PSME3IP1: variants seen among roughly 807,000 people sequenced by gnomAD.
The protein encoded by PSME3IP1 is proteasome activator subunit 3 interacting protein 1.
A neutral mutation model predicts 34.1 loss-of-function variants in PSME3IP1; 13 were observed. The ratio of observed to expected loss-of-function variants is 0.38; its 90% confidence interval spans 0.25 to 0.61. The LOEUF (loss-of-function observed/expected upper bound fraction) is 0.61, where lower values mean the gene tolerates loss of function less well. Ranked by LOEUF, PSME3IP1 falls within the 20% of genes least tolerant of loss-of-function variation. PSME3IP1 has a pLI of 0.60. For missense variants in PSME3IP1, 237 were observed against 301.4 expected (o/e 0.79, Z 1.58); for synonymous variants, 93 against 114.3 (o/e 0.81, Z 1.19).
At chr16:57,179,655 C>A (rs1001035786) in intron 1 of PSME3IP1, among the ~76,000 whole-genome samples, 1 of 152,230 alleles carries the variant, frequency 6.6e-6, no homozygotes, top group Non-Finnish European at 1.5e-5. Flanking sequence ...TGAGTGTTTA[C>A]ATCACTGGCC....
At chr16:57,172,970 G>A in intron 2 of PSME3IP1, 96 bp from the exon 3 acceptor site, 1 of 835,560 alleles carries the variant, frequency 1.2e-6, no homozygotes, top group Non-Finnish European at 2.0e-6. Context: ...AGGTTTTAAA[G>A]ACAAAGTCAA....
rs561772105 is a variant in PSME3IP1 at position 57,172,908 on chromosome 16, G to C, written c.128-34C>G. ...AAAAGGAGAGGGGAGAGAGGTGGACGGGGAGGAGATATACACTTCAGATTG... is the reference window on the plus strand; with the variant it reads ...AAAAGGAGAGGGGAGAGAGGTGGACCGGGAGGAGATATACACTTCAGATTG... On this transcript the variant is annotated intron_variant, in intron 2 of 6. Transcript: ENST00000309137. 1.2e-5 allele frequency: 16 copies of C among 1,311,892 alleles called. No homozygotes were observed. In the Admixed American group the frequency reaches 1.7e-4, roughly 14 times the overall value. 81.3% of individuals were successfully genotyped at this position (1,311,892 alleles called of 1,614,324 possible). A position where few individuals can be genotyped will look rare whatever the true frequency, so the allele number is the denominator to read the frequency against.
chr16:57,173,890 C>G (rs556694317), intron 1 of PSME3IP1, 21 bp from the exon 2 acceptor site: 2 of 1,588,100 alleles, frequency 1.3e-6, no homozygotes, highest in Admixed American at 3.6e-5. Context: ...AAAACAAAAA[C>G]AAAAAAAATC....
Position 57,186,009 on chromosome 16 carries a change from T to C in PSME3IP1, c.-204A>G. ...TTTGCTTTTGTATTTCTTTTGACCC[T>C]TCAGGGCTTCCTGTTCCTCACCGCC... On this transcript the variant is annotated 5_prime_UTR_variant, in exon 1 of 7. Coordinates refer to ENST00000309137, the MANE Select transcript of PSME3IP1 (RefSeq NM_024946.4). The C allele has an allele frequency of 1.0e-6, 1 of 984,966 alleles. No homozygotes were observed. The highest frequency in any genetic ancestry group is 1.2e-6 in the Non-Finnish European group (1 of 829,892). The allele number at this position is 984,966 out of a possible 1,614,324, so 61.0% of individuals were successfully genotyped here.
At chr16:57,161,466 C>T (rs2071219869) in intron 6 of PSME3IP1, among the ~76,000 whole-genome samples, 1 of 151,644 alleles carries the variant, frequency 6.6e-6, no homozygotes, top group African/African-American at 2.4e-5. Flanking sequence ...TAAAAAAAAG[C>T]CATAGTAGCC....
At chr16:57,177,467 T>C (rs1249304352) in intron 1 of PSME3IP1, among the ~76,000 whole-genome samples, 3 of 151,546 alleles carry the variant, frequency 2.0e-5, no homozygotes, top group Non-Finnish European at 4.4e-5. Context: ...GCTGGGGTTA[T>C]AGGCATGAGC....
rs1185243062 is a variant in PSME3IP1 at position 57,167,692 on chromosome 16, G to A, written c.349-466C>T. Among the ~76,000 whole-genome samples the A allele has an allele frequency of 2.0e-5, 3 of 152,180 alleles. No individual in the cohort carries two copies. In the East Asian group the frequency reaches 5.8e-4, roughly 29 times the overall value. ...CACGAAGACTAACTCCTGCTCCACT[G>A]GTGCAAGGAAACATCAGAATCACCC... On this transcript the variant is annotated intron_variant, in intron 4 of 6. Transcript: ENST00000309137.
At position 57,173,828 on chromosome 16, in the gene PSME3IP1, A is replaced by T. The variant is rs1271469236; in HGVS notation, c.27T>A (p.Leu9=). The T allele has an allele frequency of 6.2e-7, 1 of 1,613,840 alleles. No homozygotes were observed. The highest frequency in any genetic ancestry group is 8.5e-7 in the Non-Finnish European group (1 of 1,179,948). The change falls in exon 2 of 7, where the codon CTT becomes CTA. Residue 9 remains leucine (L), a synonymous_variant. Transcript: ENST00000309137. ...CAGACACAAACCTCTTTTTGATAATAAGGTTACCATCATCCCCTCCATCCA... is the reference window on the plus strand; with the variant it reads ...CAGACACAAACCTCTTTTTGATAATTAGGTTACCATCATCCCCTCCATCCA... MDGGDDGN[L]IIKKRFVSEA...
At chr16:57,168,720 T>C (rs1040497422) in intron 4 of PSME3IP1, among the ~76,000 whole-genome samples, 2 of 148,782 alleles carry the variant, frequency 1.3e-5, no homozygotes, top group Non-Finnish European at 3.0e-5. Flanking sequence ...GGAGAATCGC[T>C]TGAACCCGGG....
At chr16:57,163,102 T>C (rs1245633628) in intron 6 of PSME3IP1, among the ~76,000 whole-genome samples, 1 of 151,946 alleles carries the variant, frequency 6.6e-6, no homozygotes, top group Non-Finnish European at 1.5e-5. Flanking sequence ...GAGGCGGAGG[T>C]TGCAGTGAGC....
intron 5 of PSME3IP1, among the ~76,000 whole-genome samples, chr16:57,164,343 T>C (rs111772694): frequency 1.3e-5 from 2 of 152,344 alleles, no homozygotes; most frequent in African/African-American, 4.8e-5. Context: ...ATCACTCAAA[T>C]TGGTTAGAAC....
At position 57,154,257 on chromosome 16, in the gene PSME3IP1, T is replaced by C. The variant is rs1474513335; in HGVS notation, c.*33A>G. On this transcript the variant is annotated 3_prime_UTR_variant, in exon 7 of 7. Coordinates refer to ENST00000309137, the MANE Select transcript of PSME3IP1 (RefSeq NM_024946.4). The surrounding 1 kb of genome is among the most constrained non-coding windows in gnomAD (Gnocchi z 4.0). ...CAGCATGAACGGTCCGATCTACCCT[T>C]GGGGAGGAGCTCCCTGTGTAGGGAC... is the stretch of plus-strand genomic sequence containing the variant. The C allele has an allele frequency of 1.9e-6, 3 of 1,601,570 alleles. No homozygotes were observed. The highest frequency in any genetic ancestry group is 1.7e-6 in the Non-Finnish European group (2 of 1,169,390).
chr16:57,156,533 A>C (rs949576131), intron 6 of PSME3IP1, among the ~76,000 whole-genome samples: 6 of 152,240 alleles, frequency 3.9e-5, no homozygotes, highest in Non-Finnish European at 8.8e-5. Context: ...CTAAGAAGGG[A>C]AAAGGAAGTT....
At chr16:57,174,493 C>G (rs1597725877) in intron 1 of PSME3IP1, 1 of 985,316 alleles carries the variant, frequency 1.0e-6, no homozygotes, top group East Asian at 1.1e-4. Context: ...TCCCTCTAAT[C>G]TAGAAAAATT....
chr16:57,158,358 C>T (rs568513966), intron 6 of PSME3IP1, among the ~76,000 whole-genome samples: 3 of 152,262 alleles, frequency 2.0e-5, no homozygotes, highest in South Asian at 2.1e-4. Flanking sequence ...GAGACTGGGG[C>T]GGGTGGACCA....
At chr16:57,170,704 C>T (rs933647573) in intron 4 of PSME3IP1, among the ~76,000 whole-genome samples, 56 of 152,156 alleles carry the variant, frequency 3.7e-4, no homozygotes, top group African/African-American at 1.3e-3. Flanking sequence ...ACTTTACATT[C>T]TAGCAGGAAA....
chr16:57,184,199 G>A (rs1476065262), intron 1 of PSME3IP1, among the ~76,000 whole-genome samples: 2 of 151,108 alleles, frequency 1.3e-5, no homozygotes, highest in African/African-American at 4.9e-5. Flanking sequence ...AAAGAACAGA[G>A]TAAAAGACAT....
intron 1 of PSME3IP1, chr16:57,181,833 G>C (rs1393900726): frequency 6.6e-6 from 1 of 152,208 alleles, no homozygotes; most frequent in East Asian, 1.9e-4. Context: ...ATAGGGCAAG[G>C]CATGTGGGAA....
intron 1 of PSME3IP1, chr16:57,174,303 A>AC: frequency 2.2e-6 from 1 of 452,332 alleles, no homozygotes; most frequent in Non-Finnish European, 2.9e-6. Context: ...CAAAAAAAAA[A>AC]AAAACTCTCA....
Sources: allele counts gnomAD v4.1 joint callset (sites outside exome capture counted in the v4.1 genomes callset), GRCh38; gene constraint gnomAD v4.1.1; non-coding constraint Gnocchi (gnomAD v3.1); transcripts MANE v1.5; gene names NCBI Gene and HGNC (gene_info 2026-07-23, HGNC 2026-07-21).